KPNA1: variants seen among roughly 807,000 people sequenced by gnomAD.
KPNA1 encodes the protein karyopherin subunit alpha 1, also known as importin subunit alpha-5.
KPNA1 carries 10 observed loss-of-function variants against 70.5 expected under a neutral mutation model. The ratio of observed to expected loss-of-function variants is 0.14; its 90% CI spans 0.09 to 0.24. KPNA1 has a LOEUF of 0.24. KPNA1 is among the 10% of genes least tolerant of loss of function. The probability of loss-of-function intolerance (pLI) is 1.00; values close to 1 mark genes in which losing one functional copy is unlikely to be tolerated. For synonymous variants in KPNA1, 192 were observed against 221.9 expected (o/e 0.87, Z 1.20); for missense variants, 397 against 637.9 (o/e 0.62, Z 4.07).
At chr3:122,489,010 G>C (rs2076663148) in intron 2 of KPNA1, among the ~76,000 whole-genome samples, 1 of 135,082 alleles carries the variant, frequency 7.4e-6, no homozygotes, top group African/African-American at 2.7e-5. Flanking sequence ...CCTGTATTTA[G>C]CTTTCTTGAA....
chr3:122,500,252 G>A (rs2076812059), intron 1 of KPNA1, among the ~76,000 whole-genome samples: 1 of 151,886 alleles, frequency 6.6e-6, no homozygotes, highest in Admixed American at 6.6e-5. Flanking sequence ...CTCCTGAGTA[G>A]CTGGGATTAT....
At position 122,470,844 on chromosome 3, in the gene KPNA1, C is replaced by CA. The variant is rs1029387190; in HGVS notation, c.130-3416dup. Among the ~76,000 whole-genome samples, 109 of 143,836 alleles carry CA rather than the reference C, an allele frequency of 7.6e-4. No homozygotes were observed. In the East Asian group the frequency reaches 0.01, roughly 14 times the overall value. 94.4% of individuals were successfully genotyped at this position (143,836 alleles called of 152,430 possible). On this transcript the variant is annotated intron_variant, in intron 2 of 13. Coordinates refer to ENST00000344337, the MANE Select transcript of KPNA1 (RefSeq NM_002264.4). The stretch of plus-strand genomic sequence containing the variant: ...AAAGAGTGAAAGACAAAACTAGAAA[C>CA]AAAAAAAAAAGGCTAACAAATAGAA...
At chr3:122,445,175 G>C (rs996825109) in intron 9 of KPNA1, among the ~76,000 whole-genome samples, 1 of 152,182 alleles carries the variant, frequency 6.6e-6, no homozygotes. Flanking sequence ...TAGACCAACG[G>C]CTAACTAGAA....
intron 2 of KPNA1, among the ~76,000 whole-genome samples, chr3:122,471,294 T>C (rs1013268391): frequency 6.6e-6 from 1 of 152,206 alleles, no homozygotes; most frequent in Non-Finnish European, 1.5e-5. Context: ...AAGTTTGCAG[T>C]ATGTCCCAAA....
chr3:122,504,689 T>G (rs935586134), intron 1 of KPNA1, among the ~76,000 whole-genome samples: 1 of 152,160 alleles, frequency 6.6e-6, no homozygotes, highest in Non-Finnish European at 1.5e-5. Context: ...TATTTAGACT[T>G]CCCACCCCAA....
intron 1 of KPNA1, among the ~76,000 whole-genome samples, chr3:122,499,450 T>C (rs202144684): frequency 1.4e-4 from 20 of 148,072 alleles, no homozygotes; most frequent in East Asian, 4.0e-4. Context: ...GATTTTTTTT[T>C]CTTTTTTTTT....
chr3:122,444,950 C>T (rs2076116721), intron 9 of KPNA1, among the ~76,000 whole-genome samples: 1 of 152,150 alleles, frequency 6.6e-6, no homozygotes, highest in African/African-American at 2.4e-5. Context: ...TGGGGAGAAA[C>T]CAGAGCAGAA....
rs1576342626 is a variant in KPNA1 at position 122,496,728 on chromosome 3, G to A, written c.-5-158C>T. ...CCCACTCCTGTCTTTTTTGAGACAA[G>A]GTCTTGCTCTGTCCACCCGGACTGG... On this transcript the variant is annotated intron_variant, in intron 1 of 13. Coordinates refer to ENST00000344337, the MANE Select transcript of KPNA1 (RefSeq NM_002264.4). 5.2e-6 allele frequency: 3 copies of A among 581,182 alleles called. No homozygotes were observed. In the South Asian group the frequency reaches 6.7e-5, roughly 13 times the overall value. 36.0% of individuals were successfully genotyped at this position (581,182 alleles called of 1,614,324 possible).
At chr3:122,461,771 A>G (rs1306461610) in intron 4 of KPNA1, among the ~76,000 whole-genome samples, 3 of 152,198 alleles carry the variant, frequency 2.0e-5, no homozygotes, top group Admixed American at 2.0e-4. Context: ...TACCTGTAGG[A>G]GCTAGCAAGA....
intron 1 of KPNA1, among the ~76,000 whole-genome samples, chr3:122,498,582 G>A (rs2076789495): frequency 6.6e-6 from 1 of 152,104 alleles, no homozygotes; most frequent in African/African-American, 2.4e-5. Context: ...TTAATTTCTT[G>A]ACATTCAATT....
At chr3:122,444,656 G>A (rs563157352) in intron 9 of KPNA1, among the ~76,000 whole-genome samples, 2 of 152,274 alleles carry the variant, frequency 1.3e-5, no homozygotes, top group African/African-American at 2.4e-5. Flanking sequence ...ATACAGGCGG[G>A]TGCCCCTCTG....
chr3:122,449,529 T>C, intron 9 of KPNA1, 45 bp downstream of exon 9: 1 of 1,514,140 alleles, frequency 6.6e-7, no homozygotes, highest in African/African-American at 1.4e-5. Context: ...AGAAAACTAG[T>C]ACCAAGGGAG....
At chr3:122,495,265 A>AAAAAAAAAAAAG (rs1238512607) in intron 2 of KPNA1, among the ~76,000 whole-genome samples, 1 of 150,616 alleles carries the variant, frequency 6.6e-6, no homozygotes, top group Non-Finnish European at 1.5e-5. Context: ...AACAAACCAA[A>AAAAAAAAAAAAG]AAAAAAAAAA....
rs1201556495 is a variant in KPNA1, at chr3:122,426,348, C to T, written c.*637G>A. 2 of 152,626 alleles carry T rather than the reference C, an allele frequency of 1.3e-5. No individual in the cohort carries two copies. Among genetic ancestry groups the T allele is most frequent in the Non-Finnish European group, 2.9e-5 (2 of 68,048 alleles). The allele number at this position is 152,626 out of a possible 1,614,324, so 9.5% of individuals were successfully genotyped here. A position where few individuals can be genotyped will look rare whatever the true frequency, so the allele number is the denominator to read the frequency against. On this transcript the variant is annotated 3_prime_UTR_variant, in exon 14 of 14. Transcript: ENST00000344337. ...CAGCATTCCTGACAACTAGAAAGCA[C>T]ATTCACTGAAGGCTGAAGGTGAGGG...
rs1365760816 is a variant in KPNA1 at position 122,427,655 on chromosome 3, T to TA, written c.1311dup (p.Lys438Ter). On this transcript the variant is annotated frameshift_variant, in exon 13 of 14. Coordinates refer to ENST00000344337, the MANE Select transcript of KPNA1 (RefSeq NM_002264.4). LOFTEE classifies it high-confidence loss of function. ...CCATTTAGGGCAACCTGTACAATCTTAGAGTCCATGACCGTGAGGAGATCA... is the reference window on the plus strand; with the variant it reads ...CCATTTAGGGCAACCTGTACAATCTTAAGAGTCCATGACCGTGAGGAGATCA... 2 of 1,614,086 alleles carry TA rather than the reference T, an allele frequency of 1.2e-6. No homozygotes were observed. Among genetic ancestry groups the TA allele is most frequent in the Admixed American group, 1.7e-5 (1 of 60,008 alleles).
At position 122,426,915 on chromosome 3, in the gene KPNA1, T is replaced by C. The variant is rs2075830312; in HGVS notation, c.*70A>G. ...TTTGAGAAGTTAGCTCCATGAGGAC[T>C]GTGGGCTCCACAAGAGGACTCGACT... On this transcript the variant is annotated 3_prime_UTR_variant, in exon 14 of 14. Coordinates refer to ENST00000344337, the MANE Select transcript of KPNA1 (RefSeq NM_002264.4). 2 of 1,238,930 alleles carry C rather than the reference T, an allele frequency of 1.6e-6. No homozygotes were observed. Among genetic ancestry groups the C allele is most frequent in the African/African-American group, 3.0e-5 (2 of 66,732 alleles). The allele number at this position is 1,238,930 out of a possible 1,614,324, so 76.7% of individuals were successfully genotyped here.
At chr3:122,428,455 G>T (rs965657458) in intron 12 of KPNA1, among the ~76,000 whole-genome samples, 1 of 151,816 alleles carries the variant, frequency 6.6e-6, no homozygotes, top group Non-Finnish European at 1.5e-5. Flanking sequence ...TTTGTGTGGG[G>T]GAGGAAGAAT....
chr3:122,509,654 T>C (rs758883043), intron 1 of KPNA1, among the ~76,000 whole-genome samples: 2 of 152,176 alleles, frequency 1.3e-5, no homozygotes, highest in Non-Finnish European at 2.9e-5. Context: ...ACTACATATT[T>C]TACAATGTTT....
chr3:122,464,419 C>A (rs891699056), intron 3 of KPNA1, among the ~76,000 whole-genome samples: 4 of 152,190 alleles, frequency 2.6e-5, no homozygotes, highest in Non-Finnish European at 5.9e-5. Flanking sequence ...TATCACAGCA[C>A]CATATTTCAA....
Sources: gnomAD v4.1 joint callset for allele counts (sites outside exome capture counted in the v4.1 genomes callset) on GRCh38, gnomAD v4.1.1 for gene constraint, MANE v1.5 for transcripts, NCBI Gene and HGNC (gene_info 2026-07-23, HGNC 2026-07-21) for gene names.